TAFA5: variants seen among roughly 807,000 people sequenced by gnomAD.
TAFA5 encodes chemokine-like protein TAFA-5.
In TAFA5, 6 loss-of-function variants were observed where a neutral mutation model predicts 15.3. The ratio of observed to expected loss-of-function variants is 0.39; its 90% CI spans 0.21 to 0.77. The LOEUF (loss-of-function observed/expected upper bound fraction) is 0.77. Among genes scored for constraint, TAFA5 ranks in the 30% least tolerant of loss-of-function variants. The pLI is 0.41. For missense variants in TAFA5, 161 were observed against 193.1 expected, an observed-to-expected ratio of 0.83 and a Z score of 0.98; for synonymous variants, 103 against 80.7, an observed-to-expected ratio of 1.28 and a Z score of -1.48.
At position 48,550,856 on chromosome 22, in the gene TAFA5, T is replaced by C. The variant is rs995830028; in HGVS notation, c.112+61152T>C. Among the ~76,000 whole-genome samples the C allele has an allele frequency of 2.0e-5, 3 of 151,974 alleles. No individual in the cohort carries two copies. Among genetic ancestry groups the C allele is most frequent in the Non-Finnish European group, 2.9e-5 (2 of 67,984 alleles). ...CAGGCCTGAGTCGTGCCCGGGACCA[T>C]GTGGATCCCTTTCGTTCCTGTGTCA... On this transcript the variant is annotated intron_variant, in intron 1 of 3. Transcript: ENST00000402357. This position sits in a 1 kb window ranked among gnomAD's most constrained non-coding sequence, Gnocchi z 4.1.
chr22:48,519,089 C>T (rs774972308), intron 1 of TAFA5, among the ~76,000 whole-genome samples: 5 of 151,950 alleles, frequency 3.3e-5, no homozygotes, highest in Non-Finnish European at 5.9e-5. Context: ...GACCCCAGGC[C>T]GAGAGCTATA....
At chr22:48,610,568 AC>A (rs1282051956) in intron 1 of TAFA5, among the ~76,000 whole-genome samples, 15 of 150,574 alleles carry the variant, frequency 1.0e-4, no homozygotes, top group Admixed American at 2.6e-4. Flanking sequence ...GCTCGGGACC[AC>A]CAGGAGGGCT....
chr22:48,534,702 C>T (rs558974832), intron 1 of TAFA5, among the ~76,000 whole-genome samples: 26 of 152,338 alleles, frequency 1.7e-4, no homozygotes, highest in African/African-American at 6.0e-4. Flanking sequence ...GCTGCGCCCC[C>T]TCCACTGTCC....
intron 2 of TAFA5, among the ~76,000 whole-genome samples, chr22:48,695,509 G>T (rs142789547): frequency 1.3e-5 from 2 of 152,192 alleles, no homozygotes; most frequent in African/African-American, 4.8e-5. Flanking sequence ...TGAGCACCTC[G>T]GGGCTTGGGT....
chr22:48,670,380 G>A lies in TAFA5; in HGVS notation c.262+23634G>A, dbSNP rs539308700. ...GAAGGCTCTTGCTGGACCAAGGCGCGGAGGACAGAATGCTTAAGCACACGC... is the reference window on the plus strand; with the variant it reads ...GAAGGCTCTTGCTGGACCAAGGCGCAGAGGACAGAATGCTTAAGCACACGC... On this transcript the variant is annotated intron_variant, in intron 2 of 3. Transcript: ENST00000402357. 3.5e-4 allele frequency among the ~76,000 whole-genome samples: 54 copies of A among 152,346 alleles called. 1 individual carries two copies. The South Asian group carries it at 5.4e-3, about 15-fold the overall frequency.
chr22:48,629,362 G>A (rs978157150), intron 1 of TAFA5, among the ~76,000 whole-genome samples: 7 of 152,282 alleles, frequency 4.6e-5, no homozygotes, highest in East Asian at 1.9e-4. Flanking sequence ...TCGGCACCCC[G>A]GGGCTTTGGG....
chr22:48,577,838 C>T (rs545112348), intron 1 of TAFA5, among the ~76,000 whole-genome samples: 1 of 152,326 alleles, frequency 6.6e-6, no homozygotes, highest in Admixed American at 6.5e-5. Context: ...CCCGGGCTTG[C>T]GGGGACCCTT....
intron 1 of TAFA5, among the ~76,000 whole-genome samples, chr22:48,596,184 C>T (rs1210275249): frequency 6.6e-6 from 1 of 152,350 alleles, no homozygotes; most frequent in East Asian, 1.9e-4. Context: ...AGTTGTTTTG[C>T]TGAAAGTTAC....
chr22:48,514,551 A>G (rs1224164671), intron 1 of TAFA5, among the ~76,000 whole-genome samples: 3 of 152,126 alleles, frequency 2.0e-5, no homozygotes, highest in Non-Finnish European at 4.4e-5. Context: ...CATGGTCTTT[A>G]GTGTCCTGAG....
chr22:48,735,379 C>G (rs77169726), intron 3 of TAFA5, among the ~76,000 whole-genome samples: 6,177 of 152,200 alleles, frequency 0.041, 321 homozygotes, highest in African/African-American at 0.13. Flanking sequence ...TTGTGATAGA[C>G]GCACAGTCCA....
chr22:48,716,749 T>C (rs1929413213), intron 3 of TAFA5, among the ~76,000 whole-genome samples: 1 of 152,204 alleles, frequency 6.6e-6, no homozygotes, highest in Non-Finnish European at 1.5e-5. Context: ...TATGTCTACA[T>C]GGCAGAGATG....
At chr22:48,711,885 T>C (rs553625293) in intron 3 of TAFA5, among the ~76,000 whole-genome samples, 2 of 152,320 alleles carry the variant, frequency 1.3e-5, no homozygotes, top group Non-Finnish European at 2.9e-5. Context: ...TGCCGTTTAC[T>C]TCTCTGTGTG....
rs188004140 is a variant in TAFA5, at chr22:48,560,559, C to T, written c.112+70855C>T. On this transcript the variant is annotated intron_variant, in intron 1 of 3. Transcript: ENST00000402357. This position sits in a 1 kb window ranked among gnomAD's most constrained non-coding sequence, Gnocchi z 4.2. ...GACACCCACACTGGGCCATGAAAAA[C>T]GTTGTATTTTATTATTATTATTATT... 3.2e-3 allele frequency among the ~76,000 whole-genome samples: 437 copies of T among 135,260 alleles called. 1 individual carries two copies. The highest frequency in any genetic ancestry group is 4.4e-3 in the Non-Finnish European group (285 of 64,396). The allele number at this position is 135,260 out of a possible 152,430, so 88.7% of individuals were successfully genotyped here.
chr22:48,702,981 G>C (rs1015451372), intron 2 of TAFA5, among the ~76,000 whole-genome samples: 1 of 152,264 alleles, frequency 6.6e-6, no homozygotes, highest in Non-Finnish European at 1.5e-5. Context: ...CTGCCTGCTT[G>C]TCCCTTTGTT....
intron 2 of TAFA5, among the ~76,000 whole-genome samples, chr22:48,674,829 A>G (rs1002422504): frequency 6.6e-6 from 1 of 152,164 alleles, no homozygotes; most frequent in Non-Finnish European, 1.5e-5. Flanking sequence ...TTATCGGGAC[A>G]CTGTCACACT....
chr22:48,584,783 C>T (rs1924272776), intron 1 of TAFA5, among the ~76,000 whole-genome samples: 1 of 150,206 alleles, frequency 6.7e-6, no homozygotes, highest in Non-Finnish European at 1.5e-5. Context: ...ATCACACACG[C>T]TACATGCCAC....
intron 2 of TAFA5, among the ~76,000 whole-genome samples, chr22:48,688,683 T>C (rs1467308626): frequency 6.6e-6 from 1 of 151,664 alleles, no homozygotes; most frequent in South Asian, 2.1e-4. Context: ...TGAGAAACAG[T>C]GTGTCCTGAT....
intron 2 of TAFA5, among the ~76,000 whole-genome samples, chr22:48,694,442 G>A (rs1021980788): frequency 2.6e-5 from 4 of 152,150 alleles, no homozygotes; most frequent in Non-Finnish European, 4.4e-5. Flanking sequence ...GGGCCCTTCC[G>A]GAGTGCAGGA....
At chr22:48,601,381 C>T (rs1924967276) in intron 1 of TAFA5, among the ~76,000 whole-genome samples, 1 of 152,090 alleles carries the variant, frequency 6.6e-6, no homozygotes, top group East Asian at 1.9e-4. Flanking sequence ...GACTGGAGTG[C>T]AGTGGCACCA....
Sources: allele counts gnomAD v4.1 joint callset (sites outside exome capture counted in the v4.1 genomes callset), GRCh38; gene constraint gnomAD v4.1.1; non-coding constraint Gnocchi (gnomAD v3.1); transcripts MANE v1.5; gene names NCBI Gene and HGNC (gene_info 2026-07-23, HGNC 2026-07-21).